The following RBFOX1 variants were observed in gnomAD, a reference collection of about 807,000 sequenced individuals.
RBFOX1 encodes the protein RNA binding protein fox-1 homolog 1.
Under a neutral mutation model 57.7 loss-of-function variants are expected in RBFOX1, and 8 were observed. The ratio of observed to expected loss-of-function variants is 0.14; its 90% CI spans 0.08 to 0.25. The LOEUF (loss-of-function observed/expected upper bound fraction) is 0.25, where lower values mean the gene tolerates loss of function less well. RBFOX1 is among the 10% of genes least tolerant of loss of function. RBFOX1 has a pLI of 1.00. For missense variants in RBFOX1, 611 were observed against 548.5 expected (o/e 1.11, Z -1.14); for synonymous variants, 326 against 222.4 (o/e 1.47, Z -4.15).
chr16:6,289,213 G>A (rs967787942), intron 1 of RBFOX1, among the ~76,000 whole-genome samples: 1 of 152,138 alleles, frequency 6.6e-6, no homozygotes, highest in Non-Finnish European at 1.5e-5. Flanking sequence ...CTTTGCAGAT[G>A]TCACAGAGGT....
At chr16:6,505,731 A>G (rs1334767972) in intron 2 of RBFOX1, among the ~76,000 whole-genome samples, 2 of 152,234 alleles carry the variant, frequency 1.3e-5, no homozygotes, top group Non-Finnish European at 2.9e-5. Context: ...CTAAAAACTC[A>G]AGAGTCTAAT....
Position 5,665,135 on chromosome 16 carries a change from G to GGC in RBFOX1, c.318+66175_318+66176insCG, listed in dbSNP as rs1555497022. On this transcript the variant is annotated intron_variant, in intron 3 of 19. Transcript: ENST00000641259. ...TAACTTTTTGATATTTTTACATGGG[G>GGC]GGGGGCGGTCTTGCTATATTGCCCA... Among the ~76,000 whole-genome samples, 5 of 142,432 alleles carry GGC rather than the reference G, an allele frequency of 3.5e-5. No individual in the cohort carries two copies. In the East Asian group the frequency reaches 6.7e-4, roughly 19 times the overall value. The allele number at this position is 142,432 out of a possible 152,430, so 93.4% of individuals were successfully genotyped here.
chr16:6,490,209 AG>A (rs1313979168), intron 2 of RBFOX1, among the ~76,000 whole-genome samples: 1 of 152,246 alleles, frequency 6.6e-6, no homozygotes, highest in Non-Finnish European at 1.5e-5. Flanking sequence ...ATTTTTAAAT[AG>A]AAATGCCAAT....
chr16:7,370,173 C>T (rs1377892522), intron 4 of RBFOX1, among the ~76,000 whole-genome samples: 1 of 152,204 alleles, frequency 6.6e-6, no homozygotes, highest in Non-Finnish European at 1.5e-5. Context: ...AGTAGCACCC[C>T]TTCCCTCATT....
chr16:6,520,157 T>G (rs1278652743), intron 2 of RBFOX1, among the ~76,000 whole-genome samples: 1 of 152,182 alleles, frequency 6.6e-6, no homozygotes, highest in Non-Finnish European at 1.5e-5. Context: ...CAACTTGGAG[T>G]ATGCAAACAA....
chr16:5,557,340 G>A (rs1638653406), intron 2 of RBFOX1, among the ~76,000 whole-genome samples: 1 of 152,108 alleles, frequency 6.6e-6, no homozygotes, highest in Admixed American at 6.6e-5. Context: ...CCTGCTGTCT[G>A]TCTGGCACTG....
chr16:7,544,288 T>C (rs1275753339), intron 5 of RBFOX1, among the ~76,000 whole-genome samples: 3 of 152,232 alleles, frequency 2.0e-5, no homozygotes. Context: ...GTGTGTCTGA[T>C]TACTTACTGG....
intron 1 of RBFOX1, among the ~76,000 whole-genome samples, chr16:6,036,575 A>G (rs1489730486): frequency 1.3e-5 from 2 of 150,860 alleles, no homozygotes; most frequent in East Asian, 2.0e-4. Context: ...ATAATCTTGG[A>G]AAGAAAAGGC....
At chr16:5,624,521 C>G (rs374094678) in intron 3 of RBFOX1, among the ~76,000 whole-genome samples, 2 of 152,220 alleles carry the variant, frequency 1.3e-5, no homozygotes, top group Non-Finnish European at 2.9e-5. Flanking sequence ...AAAGCTCGTA[C>G]CCAGGTGGGG....
intron 2 of RBFOX1, among the ~76,000 whole-genome samples, chr16:5,525,016 A>G (rs1175570980): frequency 6.6e-6 from 1 of 152,188 alleles, no homozygotes; most frequent in Non-Finnish European, 1.5e-5. Context: ...TATTTGATTA[A>G]TGTCCATCTT....
intron 4 of RBFOX1, among the ~76,000 whole-genome samples, chr16:7,306,899 C>G (rs1232164066): frequency 1.3e-5 from 2 of 152,158 alleles, no homozygotes; most frequent in South Asian, 2.1e-4. Flanking sequence ...CCAGACACCA[C>G]TACTATATTT....
At chr16:7,351,695 T>G (rs971318027) in intron 4 of RBFOX1, among the ~76,000 whole-genome samples, 3 of 152,182 alleles carry the variant, frequency 2.0e-5, no homozygotes, top group African/African-American at 7.2e-5. Context: ...TAGAGACACC[T>G]GGTACTTTAC....
intron 3 of RBFOX1, among the ~76,000 whole-genome samples, chr16:6,750,530 G>C (rs1373009799): frequency 6.6e-6 from 1 of 152,206 alleles, no homozygotes; most frequent in Non-Finnish European, 1.5e-5. Context: ...GTTTATCAGA[G>C]ATAGAAGAAT....
intron 4 of RBFOX1, among the ~76,000 whole-genome samples, chr16:7,310,116 G>A (rs2096275095): frequency 6.6e-6 from 1 of 152,196 alleles, no homozygotes; most frequent in African/African-American, 2.4e-5. Context: ...CAATGGCCCA[G>A]AAGAGCCCTG....
At chr16:7,663,129 C>A (rs2068205363) in intron 12 of RBFOX1, among the ~76,000 whole-genome samples, 2 of 152,190 alleles carry the variant, frequency 1.3e-5, no homozygotes, top group Admixed American at 1.3e-4. Flanking sequence ...AACTAAATAT[C>A]TGTTGCTCCC....
intron 3 of RBFOX1, among the ~76,000 whole-genome samples, chr16:7,024,094 C>G (rs371712135): frequency 6.6e-5 from 10 of 152,186 alleles, no homozygotes; most frequent in African/African-American, 2.2e-4. Flanking sequence ...GCTTGGCTTA[C>G]TAAGAATATA....
intron 4 of RBFOX1, among the ~76,000 whole-genome samples, chr16:7,106,984 A>ACACACACACACACACACACACACAC (rs1567282011): frequency 6.7e-6 from 1 of 148,514 alleles, no homozygotes; most frequent in African/African-American, 2.5e-5. Flanking sequence ...ACACAGTTAA[A>ACACACACACACACACACACACACAC]ACACACACAC....
Position 6,530,221 on chromosome 16 carries a change from C to T in RBFOX1, c.-63-124382C>T, listed in dbSNP as rs143947267. 2.2e-3 allele frequency among the ~76,000 whole-genome samples: 334 copies of T among 152,100 alleles called. 1 individual carries two copies. Among genetic ancestry groups the T allele is most frequent in the African/African-American group, 7.4e-3 (306 of 41,486 alleles). Reference sequence around the variant, plus strand: ...CCTTTCTTCTTCCGGCCCTCTAGATCTGATGGAGTTTGGGGGCAGGAAGAA... The same window carrying T: ...CCTTTCTTCTTCCGGCCCTCTAGATTTGATGGAGTTTGGGGGCAGGAAGAA... On this transcript the variant is annotated intron_variant, in intron 2 of 15. Transcript: ENST00000550418.
chr16:6,019,706 G>T lies in RBFOX1; in HGVS notation c.-413G>T, dbSNP rs886608505. The T allele has an allele frequency of 1.5e-6, 2 of 1,346,130 alleles. No homozygotes were observed. The highest frequency in any genetic ancestry group is 5.9e-5 in the East Asian group (2 of 34,146). The allele number at this position is 1,346,130 out of a possible 1,614,324, so 83.4% of individuals were successfully genotyped here. On this transcript the variant is annotated 5_prime_UTR_variant, in exon 1 of 16. Coordinates refer to ENST00000550418, the MANE Select transcript of RBFOX1 (RefSeq NM_018723.4). This position sits in a 1 kb window ranked among gnomAD's most constrained non-coding sequence, Gnocchi z 4.2. ...ACTCCGAGCTTCTTGCCCAGGCAGA[G>T]AGAGCAGGAGCGGACCGCGCGCCCG... is the stretch of plus-strand genomic sequence containing the variant.
Sources: gnomAD v4.1 joint callset for allele counts (sites outside exome capture counted in the v4.1 genomes callset) on GRCh38, gnomAD v4.1.1 for gene constraint, Gnocchi (gnomAD v3.1) non-coding constraint, MANE v1.5 for transcripts, NCBI Gene and HGNC (gene_info 2026-07-23, HGNC 2026-07-21) for gene names.